The following SIRT3 variants were observed in gnomAD, a reference collection of about 807,000 sequenced individuals.
The protein encoded by SIRT3 is sirtuin 3.
Under a neutral mutation model 33.5 loss-of-function variants are expected in SIRT3, and 26 were observed. The ratio of observed to expected loss-of-function variants is 0.78; its 90% CI spans 0.57 to 1.08. SIRT3 has a LOEUF of 1.08. Ranked by LOEUF, SIRT3 falls within the 50% of genes least tolerant of loss-of-function variation. SIRT3 has a pLI of 0.00. For synonymous variants in SIRT3, 237 were observed against 222.1 expected (o/e 1.07, Z -0.60); for missense variants, 585 against 530.1 (o/e 1.10, Z -1.02).
intron 4 of SIRT3, chr11:225,947 G>A (rs1857124454): frequency 6.6e-6 from 1 of 152,222 alleles, no homozygotes; most frequent in African/African-American, 2.4e-5. Flanking sequence ...GCACATCTGT[G>A]CTTGTTTCTG....
chr11:236,136 G>T lies in SIRT3; in HGVS notation c.193C>A (p.Arg65Ser). Residue 65 changes from arginine (R) to serine (S), a missense_variant, in exon 1 of 7, where the codon CGC (arginine) becomes AGC (serine). Transcript: ENST00000382743. ...GARGEPLDPA[R>S]PLQRPPRPEV... ...GGTCTGGGAGGCCTCTGCAAGGGGC[G>T]CGCCGGGTCCAAGGGCTCACCGCGG... is the stretch of plus-strand genomic sequence containing the variant. 6.3e-7 allele frequency: 1 copy of T among 1,575,064 alleles called. No individual in the cohort carries two copies.
At chr11:220,297 C>T (rs1856258043) in intron 5 of SIRT3, among the ~76,000 whole-genome samples, 1 of 143,004 alleles carries the variant, frequency 7.0e-6, no homozygotes, top group Admixed American at 7.3e-5. Flanking sequence ...GCCACTGAAC[C>T]TCCAGCCTGG....
chr11:218,609 G>C (rs1011932303), intron 6 of SIRT3, among the ~76,000 whole-genome samples: 5 of 152,184 alleles, frequency 3.3e-5, no homozygotes, highest in Admixed American at 6.5e-5. Context: ...TGAGTGTCTG[G>C]ACCGTGTCCC....
chr11:228,715 G>A (rs891220334), intron 4 of SIRT3, among the ~76,000 whole-genome samples: 2 of 141,506 alleles, frequency 1.4e-5, no homozygotes, highest in African/African-American at 2.5e-5. Flanking sequence ...TTCCAAAAGA[G>A]TGAGAAAATA....
Position 228,817 on chromosome 11 carries a change from A to G in SIRT3, c.807+1635T>C, listed in dbSNP as rs377367170. 7.9e-5 allele frequency among the ~76,000 whole-genome samples: 12 copies of G among 152,338 alleles called. No individual in the cohort carries two copies. The East Asian group carries it at 2.3e-3, about 29-fold the overall frequency. ...AAGACAACCTACAGAATGACAGAAA[A>G]TATTTGCAAATCATGTCTCTGATAA... On this transcript the variant is annotated intron_variant, in intron 4 of 6. Coordinates refer to ENST00000382743, the MANE Select transcript of SIRT3 (RefSeq NM_012239.6).
chr11:225,695 G>C (rs1406603708), intron 4 of SIRT3: 2 of 152,404 alleles, frequency 1.3e-5, no homozygotes, highest in East Asian at 3.9e-4. Flanking sequence ...ACAAGAAGCA[G>C]CAATTACAGG....
chr11:228,749 A>G (rs1857500103), intron 4 of SIRT3, among the ~76,000 whole-genome samples: 1 of 152,080 alleles, frequency 6.6e-6, no homozygotes, highest in Non-Finnish European at 1.5e-5. Flanking sequence ...GATTTCATCA[A>G]AATCAAAACT....
At position 236,005 on chromosome 11, in the gene SIRT3, C is replaced by T. The variant is rs757086808; in HGVS notation, c.281+43G>A. The T allele has an allele frequency of 2.8e-6, 4 of 1,422,902 alleles. No homozygotes were observed. In the African/African-American group the frequency reaches 4.4e-5, roughly 16 times the overall value. The allele number at this position is 1,422,902 out of a possible 1,614,324, so 88.1% of individuals were successfully genotyped here. ...AGGTGAGAAAGAGTGGGCGAGGTGT[C>T]GACAACGAACACGCAAGAAGTGCTT... On this transcript the variant is annotated intron_variant, in intron 1 of 6. Coordinates refer to ENST00000382743, the MANE Select transcript of SIRT3 (RefSeq NM_012239.6).
intron 6 of SIRT3, 114 bp from the exon 7 acceptor site, chr11:216,832 G>T: frequency 8.8e-7 from 1 of 1,132,384 alleles, no homozygotes. Context: ...CACAAAACAA[G>T]CTGCTTTCTG....
In SIRT3 at chr11:223,813, C is replaced by T. The variant is rs1298309884; in HGVS notation, c.969+265G>A. 1.0e-6 allele frequency: 1 copy of T among 955,568 alleles called. No individual in the cohort carries two copies. The highest frequency in any genetic ancestry group is 2.8e-5 in the East Asian group (1 of 36,026). 59.2% of individuals were successfully genotyped at this position (955,568 alleles called of 1,614,324 possible). On this transcript the variant is annotated intron_variant, in intron 5 of 6. Transcript: ENST00000382743. The surrounding 1 kb of genome is among the most constrained non-coding windows in gnomAD (Gnocchi z 4.8). ...CCCATGAGATGACTCCTGTACCCCT[C>T]CCTTCCCCTGCCCTCCAGCCTCCTC... is the stretch of plus-strand genomic sequence containing the variant.
chr11:234,730 AAC>A, intron 1 of SIRT3, among the ~76,000 whole-genome samples: 1 of 151,834 alleles, frequency 6.6e-6, no homozygotes, highest in South Asian at 2.1e-4. Context: ...GATTTGTTTT[AAC>A]AGTTTTGCAG....
intron 3 of SIRT3, among the ~76,000 whole-genome samples, chr11:232,471 G>C (rs1858192577): frequency 6.6e-6 from 1 of 152,100 alleles, no homozygotes; most frequent in South Asian, 2.1e-4. Context: ...ATCCATTCAT[G>C]TGTTTATAGA....
chr11:224,286 T>C, intron 4 of SIRT3, 47 bp from the exon 5 acceptor site: 2 of 1,577,774 alleles, frequency 1.3e-6, no homozygotes, highest in Non-Finnish European at 1.7e-6. Flanking sequence ...TGCAACACCC[T>C]GTAAAAGGAA....
At chr11:235,653 C>G (rs181235865) in intron 1 of SIRT3, among the ~76,000 whole-genome samples, 10 of 152,276 alleles carry the variant, frequency 6.6e-5, no homozygotes, top group African/African-American at 2.4e-4. Context: ...TTCTTAGATG[C>G]AATTACTATG....
Position 215,910 on chromosome 11 carries a change from T to C in SIRT3, c.*788A>G, listed in dbSNP as rs1466074858. 1.3e-5 allele frequency: 2 copies of C among 151,752 alleles called. No individual in the cohort carries two copies. The highest frequency in any genetic ancestry group is 2.4e-5 in the African/African-American group (1 of 41,234). The allele number at this position is 151,752 out of a possible 1,614,324, so 9.4% of individuals were successfully genotyped here. A position where few individuals can be genotyped will look rare whatever the true frequency, so the allele number is the denominator to read the frequency against. Reference sequence around the variant, plus strand: ...CTGGCGAGGGTGGGGGGGCGTAGTGTGGGGACAAGGAGGCCAGATAGAAAG... The same window carrying C: ...CTGGCGAGGGTGGGGGGGCGTAGTGCGGGGACAAGGAGGCCAGATAGAAAG... On this transcript the variant is annotated 3_prime_UTR_variant, in exon 7 of 7. Coordinates refer to ENST00000382743, the MANE Select transcript of SIRT3 (RefSeq NM_012239.6).
Position 236,325 on chromosome 11 carries a change from C to A in SIRT3, c.4G>T (p.Ala2Ser), listed in dbSNP as rs1327127415. 2.7e-6 allele frequency: 4 copies of A among 1,495,784 alleles called. No individual in the cohort carries two copies. The African/African-American group carries it at 5.7e-5, about 21-fold the overall frequency. The allele number at this position is 1,495,784 out of a possible 1,614,324, so 92.7% of individuals were successfully genotyped here. Reference sequence around the variant, plus strand: ...GCCGCGGCGCGCCAACCCCAGAACGCCATGTTCCGCGCAGTCCAAGGAGTC... The same window carrying A: ...GCCGCGGCGCGCCAACCCCAGAACGACATGTTCCGCGCAGTCCAAGGAGTC... M[A>S]FWGWRAAAAL... Residue 2 changes from alanine (A) to serine (S), a missense_variant, in exon 1 of 7, where the codon GCG (alanine) becomes TCG (serine). Transcript: ENST00000382743.
At position 223,623 on chromosome 11, in the gene SIRT3, T is replaced by A. The variant is rs1006391325; in HGVS notation, c.969+455A>T. 5.2e-4 allele frequency: 188 copies of A among 362,190 alleles called. No homozygotes were observed. Among genetic ancestry groups the A allele is most frequent in the African/African-American group, 2.8e-3 (125 of 45,034 alleles). The allele number at this position is 362,190 out of a possible 1,614,324, so 22.4% of individuals were successfully genotyped here. On this transcript the variant is annotated intron_variant, in intron 5 of 6. Transcript: ENST00000382743. The surrounding 1 kb of genome is among the most constrained non-coding windows in gnomAD (Gnocchi z 4.8). ...CCTCCACCTCGCCCCCACACCCCCA[T>A]CCTTCTCCCTTCTCCTCACACGTGG...
In SIRT3 at chr11:224,012, A is replaced by G. The variant is rs570857; in HGVS notation, c.969+66T>C. 1,688 of 989,014 alleles carry G rather than the reference A, an allele frequency of 1.7e-3. 16 individuals carry two copies. Among genetic ancestry groups the G allele is most frequent in the African/African-American group, 0.013 (545 of 40,440 alleles). 61.3% of individuals were successfully genotyped at this position (989,014 alleles called of 1,614,324 possible). A position where few individuals can be genotyped will look rare whatever the true frequency, so the allele number is the denominator to read the frequency against. ...CACAGGCCTGCCGACAGCCCATGAG[A>G]TGACTCCTGTACCCCTCCCTTCCCC... On this transcript the variant is annotated intron_variant, in intron 5 of 6. Coordinates refer to ENST00000382743, the MANE Select transcript of SIRT3 (RefSeq NM_012239.6).
intron 5 of SIRT3, among the ~76,000 whole-genome samples, chr11:222,012 G>A (rs1463354775): frequency 6.6e-6 from 1 of 152,178 alleles, no homozygotes. Context: ...AGACACACAT[G>A]ATACACTTAT....
Sources: gnomAD v4.1 joint callset for allele counts (sites outside exome capture counted in the v4.1 genomes callset) on GRCh38, gnomAD v4.1.1 for gene constraint, Gnocchi (gnomAD v3.1) non-coding constraint, MANE v1.5 for transcripts, NCBI Gene and HGNC (gene_info 2026-07-23, HGNC 2026-07-21) for gene names.